CTH: variants seen among roughly 807,000 people sequenced by gnomAD.
The protein encoded by CTH is cystathionine gamma-lyase.
CTH carries 41 observed loss-of-function variants against 50.6 expected under a neutral mutation model. The observed-to-expected ratio is 0.81, with a 90% CI of 0.63 to 1.05. The LOEUF (loss-of-function observed/expected upper bound fraction) is 1.05, where lower values mean the gene tolerates loss of function less well. Among genes scored for constraint, CTH ranks in the 50% least tolerant of loss-of-function variants. The pLI is 0.00. For synonymous variants in CTH, 156 were observed against 168.9 expected (o/e 0.92, Z 0.59); for missense variants, 470 against 492.6 (o/e 0.95, Z 0.43).
chr1:70,431,215 G>C (rs886806466), intron 7 of CTH: 1 of 152,014 alleles, frequency 6.6e-6, no homozygotes, highest in South Asian at 2.1e-4. Flanking sequence ...GCATAGCAAG[G>C]CTTTATGATA....
intron 1 of CTH, among the ~76,000 whole-genome samples, chr1:70,412,281 G>A (rs10889869): frequency 0.062 from 9,512 of 152,226 alleles, 431 homozygotes; most frequent in South Asian, 0.1. Context: ...AGCCTATTGC[G>A]TCATTTAAGC....
rs1316774076 is a variant in CTH at position 70,417,973 on chromosome 1, CTA to C, written c.289_290del (p.Ile97TyrfsTer15). 6.2e-7 allele frequency: 1 copy of C among 1,614,104 alleles called. No homozygotes were observed. Among genetic ancestry groups the C allele is most frequent in the South Asian group, 1.1e-5 (1 of 91,086 alleles). On this transcript the variant is annotated frameshift_variant, in exon 3 of 12. Transcript: ENST00000370938. LOFTEE classifies it high-confidence loss of function. ...GCTTCAGGTTTAGCAGCCACTGTAACTATTACCCATCTTTTAAAAGCAGGAGA... is the reference window on the plus strand; with the variant it reads ...GCTTCAGGTTTAGCAGCCACTGTAACTTACCCATCTTTTAAAAGCAGGAGA...
intron 5 of CTH, among the ~76,000 whole-genome samples, chr1:70,428,678 A>G (rs542085562): frequency 6.6e-6 from 1 of 151,406 alleles, no homozygotes; most frequent in African/African-American, 2.4e-5. Flanking sequence ...GGTGTCATGA[A>G]AAGCTCACTG....
At chr1:70,422,475 A>G (rs1684246280) in intron 4 of CTH, among the ~76,000 whole-genome samples, 1 of 152,244 alleles carries the variant, frequency 6.6e-6, no homozygotes, top group African/African-American at 2.4e-5. Context: ...TAAAAAATAA[A>G]TATCTTTTCA....
intron 3 of CTH, among the ~76,000 whole-genome samples, chr1:70,419,159 C>CT (rs1228403167): frequency 6.6e-6 from 1 of 151,860 alleles, no homozygotes. Context: ...TGAACTCATC[C>CT]TTTTTTATGG....
intron 1 of CTH, among the ~76,000 whole-genome samples, chr1:70,415,716 G>A (rs575698072): frequency 1.3e-5 from 2 of 152,302 alleles, no homozygotes; most frequent in East Asian, 3.9e-4. Flanking sequence ...GAAATGTGAA[G>A]TAACTTACCT....
chr1:70,437,198 G>A (rs1490635109), intron 10 of CTH, among the ~76,000 whole-genome samples: 1 of 152,070 alleles, frequency 6.6e-6, no homozygotes, highest in Non-Finnish European at 1.5e-5. Context: ...TAGCTCTTAG[G>A]TTTGTTGCGA....
Position 70,416,674 on chromosome 1 carries a change from C to G in CTH, c.250+637C>G, listed in dbSNP as rs189310773. On this transcript the variant is annotated intron_variant, in intron 2 of 11. Coordinates refer to ENST00000370938, the MANE Select transcript of CTH (RefSeq NM_001902.6). ...CGCCTCCTGGATTCAAGCAATTCTT[C>G]TCCTTCAGCCTCCCAAGTAGCTGGG... Among the ~76,000 whole-genome samples the G allele has an allele frequency of 5.6e-4, 85 of 150,908 alleles. No homozygotes were observed. The East Asian group carries it at 6.4e-3, about 11-fold the overall frequency.
chr1:70,430,423 T>C, intron 7 of CTH, 29 bp downstream of exon 7: 1 of 1,080,466 alleles, frequency 9.3e-7, no homozygotes, highest in Non-Finnish European at 1.4e-6. Flanking sequence ...AGGTTCCCTA[T>C]GACACTCTCA....
intron 3 of CTH, among the ~76,000 whole-genome samples, chr1:70,421,170 T>C (rs1684211526): frequency 6.6e-6 from 1 of 152,182 alleles, no homozygotes; most frequent in Non-Finnish European, 1.5e-5. Flanking sequence ...TTCTTTTCCA[T>C]TACAAAGTAT....
rs569778519 is a variant in CTH at position 70,411,502 on chromosome 1, A to C, written c.87A>C (p.Pro29=). 20 of 1,614,208 alleles carry C rather than the reference A, an allele frequency of 1.2e-5. No homozygotes were observed. The highest frequency in any genetic ancestry group is 3.3e-4 in the Middle Eastern group (2 of 6,062). ...AGGCGATCCATGTGGGCCAGGATCC[A>C]GAGCAATGGACCTCCAGGGCTGTAG... ...ATQAIHVGQD[P]EQWTSRAVVP... The change falls in exon 1 of 12, where the codon CCA becomes CCC. Residue 29 remains proline, a synonymous_variant. Coordinates refer to ENST00000370938, the MANE Select transcript of CTH (RefSeq NM_001902.6).
Position 70,417,921 on chromosome 1 carries a change from T to C in CTH, c.251-16T>C, listed in dbSNP as rs1684128721. ...GCCTGACTTTTCAGCTTACTCTAAC[T>C]TGATTTTTATTTTAGGTTTGGCCTT... On this transcript the variant is annotated splice_polypyrimidine_tract_variant and intron_variant, in intron 2 of 11. Transcript: ENST00000370938. 8.1e-6 allele frequency: 13 copies of C among 1,613,980 alleles called. No individual in the cohort carries two copies. Among genetic ancestry groups the C allele is most frequent in the Non-Finnish European group, 1.1e-5 (13 of 1,179,930 alleles).
chr1:70,421,822 AT>A (rs1684228941), intron 4 of CTH, 147 bp downstream of exon 4: 2 of 794,172 alleles, frequency 2.5e-6, no homozygotes, highest in Middle Eastern at 3.1e-4. Flanking sequence ...ATAGACTGTC[AT>A]CTCCGGGGTG....
At chr1:70,429,721 A>C (rs940784267) in intron 5 of CTH, 73 bp from the exon 6 acceptor site, 1 of 1,053,400 alleles carries the variant, frequency 9.5e-7, no homozygotes, top group African/African-American at 1.6e-5. Context: ...GGAATTTATA[A>C]TTGCAAATAG....
At chr1:70,430,588 C>T (rs557972715) in intron 7 of CTH, among the ~76,000 whole-genome samples, 194 bp downstream of exon 7, 34 of 151,410 alleles carry the variant, frequency 2.2e-4, no homozygotes, top group Non-Finnish European at 1.6e-4. Context: ...GTTGCCCAGG[C>T]GGGAGTGAAG....
intron 5 of CTH, among the ~76,000 whole-genome samples, chr1:70,429,239 C>T (rs184840179): frequency 1.2e-3 from 189 of 152,210 alleles, no homozygotes; most frequent in African/African-American, 4.3e-3. Flanking sequence ...TATTTTTTTA[C>T]CCATGGTTGG....
At chr1:70,422,412 T>C (rs1684245196) in intron 4 of CTH, among the ~76,000 whole-genome samples, 1 of 152,214 alleles carries the variant, frequency 6.6e-6, no homozygotes, top group African/African-American at 2.4e-5. Context: ...TACAACTTTT[T>C]GCTAATGATT....
At chr1:70,436,522 GTCT>G (rs1684602615) in intron 10 of CTH, among the ~76,000 whole-genome samples, 1 of 151,944 alleles carries the variant, frequency 6.6e-6, no homozygotes, top group African/African-American at 2.4e-5. Flanking sequence ...GTATTTCTGT[GTCT>G]TCATTTTTAT....
chr1:70,424,156 G>A (rs1481159723), intron 4 of CTH, 129 bp from the exon 5 acceptor site: 1 of 1,538,132 alleles, frequency 6.5e-7, no homozygotes, highest in East Asian at 2.4e-5. Context: ...ATTCAGATTT[G>A]AACCTCCCAA....
Sources: gnomAD v4.1 joint callset for allele counts (sites outside exome capture counted in the v4.1 genomes callset) on GRCh38, gnomAD v4.1.1 for gene constraint, MANE v1.5 for transcripts, NCBI Gene and HGNC (gene_info 2026-07-23, HGNC 2026-07-21) for gene names.